CYP7B1: variants seen among roughly 807,000 people sequenced by gnomAD.
The protein encoded by CYP7B1 is cytochrome P450 family 7 subfamily B member 1, also known as cytochrome P450 7B1.
A neutral mutation model predicts 42.7 loss-of-function variants in CYP7B1; 29 were observed. The observed-to-expected ratio is 0.68, with a 90% CI of 0.51 to 0.93. CYP7B1 has a LOEUF of 0.93. Among genes scored for constraint, CYP7B1 ranks in the 40% least tolerant of loss-of-function variants. The probability of loss-of-function intolerance (pLI) is 0.00; values close to 1 mark genes in which losing one functional copy is unlikely to be tolerated. For missense variants in CYP7B1, 655 were observed against 600.5 expected (o/e 1.09, Z -0.95); for synonymous variants, 235 against 218.2 (o/e 1.08, Z -0.68).
At chr8:64,749,242 G>A (rs1429925523) in intron 1 of CYP7B1, among the ~76,000 whole-genome samples, 1 of 151,784 alleles carries the variant, frequency 6.6e-6, no homozygotes, top group Non-Finnish European at 1.5e-5. Flanking sequence ...TGCCACACCT[G>A]GCTGATTTTT....
intron 1 of CYP7B1, among the ~76,000 whole-genome samples, chr8:64,706,807 A>G (rs1253247596): frequency 6.6e-6 from 1 of 152,014 alleles, no homozygotes; most frequent in Non-Finnish European, 1.5e-5. Context: ...TTCATCTCCA[A>G]TGTGGTACAA....
At chr8:64,717,758 G>T in intron 1 of CYP7B1, among the ~76,000 whole-genome samples, 1 of 151,930 alleles carries the variant, frequency 6.6e-6, no homozygotes, top group South Asian at 2.1e-4. Flanking sequence ...GAGGTGGGAA[G>T]ATCACTTGAG....
At chr8:64,695,797 A>C (rs1252100812) in intron 1 of CYP7B1, among the ~76,000 whole-genome samples, 1 of 151,950 alleles carries the variant, frequency 6.6e-6, no homozygotes, top group Non-Finnish European at 1.5e-5. Flanking sequence ...TAGTGGTCAA[A>C]GTAATATATG....
intron 1 of CYP7B1, among the ~76,000 whole-genome samples, chr8:64,715,762 T>G (rs1237083681): frequency 6.6e-6 from 1 of 152,200 alleles, no homozygotes; most frequent in Non-Finnish European, 1.5e-5. Flanking sequence ...CTCTACAGCA[T>G]AGTAACATGA....
intron 1 of CYP7B1, among the ~76,000 whole-genome samples, chr8:64,734,071 T>C (rs761674387): frequency 9.2e-5 from 14 of 152,214 alleles, no homozygotes; most frequent in Non-Finnish European, 1.8e-4. Context: ...ATTCTGTTCA[T>C]ATTCAGTACT....
chr8:64,705,377 A>C (rs2129632549), intron 1 of CYP7B1, among the ~76,000 whole-genome samples: 1 of 152,132 alleles, frequency 6.6e-6, no homozygotes, highest in South Asian at 2.1e-4. Context: ...TCATTGTCTA[A>C]AACATCACTT....
At position 64,624,479 on chromosome 8, in the gene CYP7B1, G is replaced by A. The variant is rs768437140; in HGVS notation, c.183C>T (p.Asn61=). The A allele has an allele frequency of 6.2e-7, 1 of 1,613,114 alleles. No homozygotes were observed. The highest frequency in any genetic ancestry group is 8.5e-7 in the Non-Finnish European group (1 of 1,179,824). The part of the protein sequence containing the change: ...GWLPYLGVVL[N]LRKDPLRFMK... ...TGAACCTTAAGGGGTCTTTTCGTAAGTTCAGGACCACTCCAAGATAAGGAA... is the reference window on the plus strand; with the variant it reads ...TGAACCTTAAGGGGTCTTTTCGTAAATTCAGGACCACTCCAAGATAAGGAA... Residue 61 remains asparagine (N), a synonymous_variant, in exon 2 of 6, where the codon AAC becomes AAT. Coordinates refer to ENST00000310193, the MANE Select transcript of CYP7B1 (RefSeq NM_004820.5).
chr8:64,615,345 G>A (rs114253331), intron 3 of CYP7B1, 113 bp from the exon 4 acceptor site: 3 of 1,052,156 alleles, frequency 2.9e-6, no homozygotes, highest in Admixed American at 2.1e-5. Context: ...ATCAGTGCAT[G>A]CTAATGAGAA....
At chr8:64,722,746 G>C (rs367838544) in intron 1 of CYP7B1, among the ~76,000 whole-genome samples, 3 of 108,146 alleles carry the variant, frequency 2.8e-5, no homozygotes, top group African/African-American at 1.0e-4. Flanking sequence ...TTTGCGGCGG[G>C]GGGGGGGGGG....
intron 1 of CYP7B1, among the ~76,000 whole-genome samples, chr8:64,751,302 C>G (rs1444375888): frequency 6.6e-6 from 1 of 152,138 alleles, no homozygotes. Flanking sequence ...CATACAGAGT[C>G]TTATCCACAA....
intron 1 of CYP7B1, among the ~76,000 whole-genome samples, chr8:64,693,843 G>A (rs1438335588): frequency 6.6e-6 from 1 of 152,162 alleles, no homozygotes; most frequent in Non-Finnish European, 1.5e-5. Context: ...TAGCAACCAA[G>A]CCTGTGAGGG....
At chr8:64,718,105 G>A (rs544956445) in intron 1 of CYP7B1, among the ~76,000 whole-genome samples, 9 of 151,918 alleles carry the variant, frequency 5.9e-5, no homozygotes, top group Admixed American at 4.6e-4. Context: ...TGTAATATAT[G>A]TTGGTATATC....
At chr8:64,623,238 G>A (rs1364365165) in intron 2 of CYP7B1, among the ~76,000 whole-genome samples, 1 of 152,204 alleles carries the variant, frequency 6.6e-6, no homozygotes, top group African/African-American at 2.4e-5. Flanking sequence ...ATTCTGGACT[G>A]CACTGTGACT....
At chr8:64,778,210 CATAT>C (rs1226859628) in intron 1 of CYP7B1, among the ~76,000 whole-genome samples, 5 of 123,640 alleles carry the variant, frequency 4.0e-5, no homozygotes, top group African/African-American at 1.5e-4. Flanking sequence ...TGTATACACA[CATAT>C]ATTTATACAT....
chr8:64,690,653 T>C (rs1300928141), intron 1 of CYP7B1, among the ~76,000 whole-genome samples: 2 of 152,236 alleles, frequency 1.3e-5, no homozygotes, highest in Non-Finnish European at 2.9e-5. Flanking sequence ...CAGTAGTATA[T>C]ATATGTTGAG....
chr8:64,614,481 T>G (rs1241044722), intron 4 of CYP7B1, among the ~76,000 whole-genome samples: 1 of 152,134 alleles, frequency 6.6e-6, no homozygotes, highest in Non-Finnish European at 1.5e-5. Context: ...CTCCGTTTCT[T>G]CTTTTCTATT....
chr8:64,780,234 G>T (rs1804398340), intron 1 of CYP7B1, among the ~76,000 whole-genome samples: 1 of 152,012 alleles, frequency 6.6e-6, no homozygotes, highest in Non-Finnish European at 1.5e-5. Flanking sequence ...ATTCATATTG[G>T]AAAAAGATAA....
chr8:64,662,450 C>T (rs1563381314), intron 1 of CYP7B1, among the ~76,000 whole-genome samples: 1 of 152,138 alleles, frequency 6.6e-6, no homozygotes. Flanking sequence ...TTCACAATAG[C>T]ATAAGGTAAG....
rs554837646 is a variant in CYP7B1 at position 64,594,004 on chromosome 8, G to A, written c.*2638C>T. ...ACACTCTGACTCAAAATCAACCTTG[G>A]AGACCCTACAGAATGGAGAGGATTG... On this transcript the variant is annotated 3_prime_UTR_variant, in exon 6 of 6. Coordinates refer to ENST00000310193, the MANE Select transcript of CYP7B1 (RefSeq NM_004820.5). Among the ~76,000 whole-genome samples the A allele has an allele frequency of 3.9e-5, 6 of 152,226 alleles. No homozygotes were observed. In the East Asian group the frequency reaches 5.8e-4, roughly 15 times the overall value.
Sources: gnomAD v4.1 joint callset for allele counts (sites outside exome capture counted in the v4.1 genomes callset) on GRCh38, gnomAD v4.1.1 for gene constraint, MANE v1.5 for transcripts, NCBI Gene and HGNC (gene_info 2026-07-23, HGNC 2026-07-21) for gene names.